Variants in RHOU observed in about 807,000 individuals in gnomAD.
RHOU encodes rho-related GTP-binding protein RhoU.
RHOU carries 8 observed loss-of-function variants against 12.6 expected under a neutral mutation model. The ratio of observed to expected loss-of-function variants is 0.64; its 90% CI spans 0.37 to 1.15. RHOU has a LOEUF of 1.15. RHOU is among the 50% of genes most tolerant of loss of function. The probability of loss-of-function intolerance (pLI) is 0.01; values close to 1 mark genes in which losing one functional copy is unlikely to be tolerated. For synonymous variants in RHOU, 161 were observed against 147.4 expected (o/e 1.09, Z -0.67); for missense variants, 258 against 347.0 (o/e 0.74, Z 2.04).
the RHOU span, among the ~76,000 whole-genome samples, chr1:228,647,069 G>T: frequency 6.6e-6 from 1 of 152,190 alleles, no homozygotes; most frequent in Admixed American, 6.5e-5. Context: ...GAACGTTTGA[G>T]CCTTAGAGAG....
At chr1:228,696,863 T>C in the RHOU span, among the ~76,000 whole-genome samples, 1 of 152,186 alleles carries the variant, frequency 6.6e-6, no homozygotes, top group African/African-American at 2.4e-5. Context: ...ATATCTTTGA[T>C]CATTCCCACA....
chr1:228,648,335 G>T, the RHOU span, among the ~76,000 whole-genome samples: 2 of 152,184 alleles, frequency 1.3e-5, no homozygotes, highest in Non-Finnish European at 2.9e-5. Context: ...CAAGCTCTGG[G>T]ATCTCCGGGC....
chr1:228,654,132 C>G, the RHOU span, among the ~76,000 whole-genome samples: 3 of 147,206 alleles, frequency 2.0e-5, no homozygotes, highest in Non-Finnish European at 3.0e-5. Context: ...TTTTTTGAGT[C>G]AGAGTCTTGC....
the RHOU span, among the ~76,000 whole-genome samples, chr1:228,688,232 A>G: frequency 6.6e-6 from 1 of 152,138 alleles, no homozygotes; most frequent in South Asian, 2.1e-4. Context: ...CTCTCCACTC[A>G]TGCCTCCCAC....
the RHOU span, among the ~76,000 whole-genome samples, chr1:228,707,255 AGT>A: frequency 0.043 from 1,733 of 40,536 alleles, 23 homozygotes; most frequent in South Asian, 0.07. Context: ...ATATATATAT[AGT>A]GTGTGTGTGT....
the RHOU span, chr1:228,687,868 C>T: frequency 1.0e-6 from 1 of 980,874 alleles, no homozygotes; most frequent in Admixed American, 1.7e-5. Flanking sequence ...AGTGACTTCC[C>T]TGGTCACCAA....
the RHOU span, among the ~76,000 whole-genome samples, chr1:228,707,150 A>G: frequency 3.0e-5 from 4 of 132,154 alleles, no homozygotes; most frequent in East Asian, 2.1e-4. Context: ...ATATATGTAT[A>G]TATATACACA....
chr1:228,653,611 G>C, the RHOU span, among the ~76,000 whole-genome samples: 1 of 151,986 alleles, frequency 6.6e-6, no homozygotes, highest in Non-Finnish European at 1.5e-5. Context: ...GAGCCACTGC[G>C]CCCAGCCTTA....
chr1:228,662,363 A>C, the RHOU span, among the ~76,000 whole-genome samples: 2 of 152,200 alleles, frequency 1.3e-5, no homozygotes, highest in African/African-American at 4.8e-5. Context: ...TCATGCTACT[A>C]TTAAGACAAA....
the RHOU span, among the ~76,000 whole-genome samples, chr1:228,665,362 C>A: frequency 5.9e-5 from 9 of 152,190 alleles, no homozygotes; most frequent in African/African-American, 2.2e-4. Context: ...CACTGTCAGG[C>A]TTGAGTCCAC....
chr1:228,698,704 G>A, the RHOU span, among the ~76,000 whole-genome samples: 1 of 152,230 alleles, frequency 6.6e-6, no homozygotes, highest in Non-Finnish European at 1.5e-5. Flanking sequence ...ATAGACAAAG[G>A]TTAAGAGGAG....
the RHOU span, among the ~76,000 whole-genome samples, chr1:228,725,187 C>T: frequency 1.3e-5 from 2 of 152,248 alleles, no homozygotes; most frequent in Admixed American, 1.3e-4. Flanking sequence ...GGAATATGTG[C>T]AGGAATTCAC....
chr1:228,735,645 G>A lies in RHOU; in HGVS notation c.-98G>A. 1 of 983,088 alleles carries A rather than the reference G, an allele frequency of 1.0e-6. No individual in the cohort carries two copies. The highest frequency in any genetic ancestry group is 1.3e-6 in the Non-Finnish European group (1 of 784,902). 60.9% of individuals were successfully genotyped at this position (983,088 alleles called of 1,614,324 possible). On this transcript the variant is annotated 5_prime_UTR_variant, in exon 1 of 3. Coordinates refer to ENST00000366691, the MANE Select transcript of RHOU (RefSeq NM_021205.6). The surrounding 1 kb of genome is among the most constrained non-coding windows in gnomAD (Gnocchi z 8.1). ...CAGGGCCGGGGACGCGCCCGCAGCT[G>A]TCGGTGACAGCTCCTCCCTACCGCA...
At chr1:228,712,847 T>A in the RHOU span, among the ~76,000 whole-genome samples, 9 of 102,030 alleles carry the variant, frequency 8.8e-5, no homozygotes, top group African/African-American at 4.6e-4. Context: ...TAAAATAAAA[T>A]AAAATAAAAT....
the RHOU span, among the ~76,000 whole-genome samples, chr1:228,694,971 A>G: frequency 1.3e-5 from 2 of 151,988 alleles, no homozygotes; most frequent in Non-Finnish European, 2.9e-5. Context: ...AATAGGTTTT[A>G]TTTATTTATT....
chr1:228,724,328 T>G, the RHOU span, among the ~76,000 whole-genome samples: 1 of 152,304 alleles, frequency 6.6e-6, no homozygotes, highest in African/African-American at 2.4e-5. Context: ...CCCCCCCAGA[T>G]TTATTCAGGT....
chr1:228,693,570 G>A, the RHOU span, among the ~76,000 whole-genome samples: 1 of 152,180 alleles, frequency 6.6e-6, no homozygotes, highest in East Asian at 1.9e-4. Flanking sequence ...GGGTTCAAGC[G>A]ATTCTTCTGC....
the RHOU span, among the ~76,000 whole-genome samples, chr1:228,649,889 A>G: frequency 1.3e-5 from 2 of 152,204 alleles, no homozygotes; most frequent in Admixed American, 1.3e-4. Context: ...AATTGTGTAA[A>G]ACTCCTAGAA....
the RHOU span, among the ~76,000 whole-genome samples, chr1:228,728,928 CTCT>C: frequency 6.6e-6 from 1 of 150,528 alleles, no homozygotes; most frequent in Non-Finnish European, 1.5e-5. Flanking sequence ...CAGAGTCTCG[CTCT>C]GTCGCCCAGG....
Sources: allele counts gnomAD v4.1 joint callset (sites outside exome capture counted in the v4.1 genomes callset), GRCh38; gene constraint gnomAD v4.1.1; non-coding constraint Gnocchi (gnomAD v3.1); transcripts MANE v1.5; gene names NCBI Gene and HGNC (gene_info 2026-07-23, HGNC 2026-07-21).